PPP1R9A: variants seen among roughly 807,000 people sequenced by gnomAD.
PPP1R9A encodes protein phosphatase 1 regulatory subunit 9A, also known as neurabin-1.
In PPP1R9A, 59 loss-of-function variants were observed where a neutral mutation model predicts 141.9. That is an observed-to-expected ratio of 0.42 (90% CI 0.34 to 0.52). The LOEUF (loss-of-function observed/expected upper bound fraction) is 0.52, where lower values mean the gene tolerates loss of function less well. Ranked by LOEUF, PPP1R9A falls within the 20% of genes least tolerant of loss-of-function variation. The pLI, the probability that PPP1R9A is intolerant of heterozygous loss-of-function variation, is 0.10. For missense variants in PPP1R9A, 1,444 were observed against 1,611.9 expected (o/e 0.90, Z 1.78); for synonymous variants, 500 against 569.7 (o/e 0.88, Z 1.74).
Position 95,291,552 on chromosome 7 carries a change from G to C in PPP1R9A, c.*1249G>C, listed in dbSNP as rs1383048384. 1 of 152,204 alleles carries C rather than the reference G, an allele frequency of 6.6e-6. No individual in the cohort carries two copies. Among genetic ancestry groups the C allele is most frequent in the South Asian group, 2.1e-4 (1 of 4,834 alleles). The allele number at this position is 152,204 out of a possible 1,614,324, so 9.4% of individuals were successfully genotyped here. ...TTAAGCCAGCATTAAGGATTTCCAT[G>C]TTTCACCAAACTAAGTCAAGTGCAG... On this transcript the variant is annotated 3_prime_UTR_variant, in exon 20 of 20. Transcript: ENST00000433360.
intron 2 of PPP1R9A, among the ~76,000 whole-genome samples, chr7:95,006,761 G>GGTGA (rs1247358409): frequency 3.3e-5 from 5 of 152,136 alleles, no homozygotes; most frequent in Non-Finnish European, 7.3e-5. Context: ...GTCTCCTGGA[G>GGTGA]GTGAGACAGG....
chr7:95,102,058 C>A (rs1362827016), intron 2 of PPP1R9A, among the ~76,000 whole-genome samples: 1 of 152,118 alleles, frequency 6.6e-6, no homozygotes, highest in Non-Finnish European at 1.5e-5. Flanking sequence ...AGCTGCCTTG[C>A]TGACCTATAT....
chr7:94,967,284 T>A lies in PPP1R9A; in HGVS notation c.1395+55776T>A, dbSNP rs372263426. Among the ~76,000 whole-genome samples the A allele has an allele frequency of 1.8e-4, 27 of 152,290 alleles. No individual in the cohort carries two copies. In the East Asian group the frequency reaches 5.2e-3, roughly 29 times the overall value. On this transcript the variant is annotated intron_variant, in intron 2 of 19. Coordinates refer to ENST00000433360, the MANE Select transcript of PPP1R9A (RefSeq NM_001166160.2). ...AGCAGCTCCTGGATTCATTGATTTT[T>A]TTTTGAAGGGTTTTTCATGTCTCTG...
At chr7:95,218,504 T>G in intron 7 of PPP1R9A, among the ~76,000 whole-genome samples, 1 of 152,214 alleles carries the variant, frequency 6.6e-6, no homozygotes. Context: ...CAGAGCTGAG[T>G]TCAATTCCTG....
intron 2 of PPP1R9A, among the ~76,000 whole-genome samples, chr7:94,970,749 C>A (rs531115969): frequency 1.3e-5 from 2 of 151,608 alleles, no homozygotes; most frequent in Non-Finnish European, 2.9e-5. Context: ...GATTCTTCTG[C>A]CTCAGTCTCC....
At position 95,284,067 on chromosome 7, in the gene PPP1R9A, G is replaced by A; in HGVS notation, c.3346G>A (p.Ala1116Thr). Residue 1116 changes from alanine to threonine, a missense_variant, in exon 17 of 20, where the codon GCT (alanine) becomes ACT (threonine). Physicochemically the swap from Ala to Thr is moderately conservative, Grantham distance 58 (BLOSUM62 0). This residue lies in a region of PPP1R9A where 459 missense variants were observed against 513.8 expected (regional missense o/e 0.89). Transcript: ENST00000433360. ...CTGGACACCCAAGCCATGTTCAACA[G>A]CTCAGACCTCCACTCGTTCCCCTTG... ...ENWTPKPCST[A>T]QTSTRSPCMP... 1 of 1,598,208 alleles carries A rather than the reference G, an allele frequency of 6.3e-7. No homozygotes were observed.
intron 2 of PPP1R9A, among the ~76,000 whole-genome samples, chr7:95,102,743 C>T (rs931704126): frequency 6.6e-6 from 1 of 152,120 alleles, no homozygotes; most frequent in Admixed American, 6.5e-5. Context: ...TGTTGTAAAT[C>T]TGCGGTCTTA....
intron 2 of PPP1R9A, among the ~76,000 whole-genome samples, chr7:94,927,951 G>A (rs1229728160): frequency 1.3e-5 from 2 of 152,168 alleles, no homozygotes; most frequent in African/African-American, 4.8e-5. Flanking sequence ...GAAAGGGGAT[G>A]TTATGAATAC....
chr7:95,072,715 T>A (rs1285708091), intron 2 of PPP1R9A, among the ~76,000 whole-genome samples: 3 of 113,436 alleles, frequency 2.6e-5, no homozygotes, highest in Non-Finnish European at 5.0e-5. Flanking sequence ...TATAATATAT[T>A]ATATGTATAT....
rs536177913 is a variant in PPP1R9A, at chr7:94,983,831, T to G, written c.1395+72323T>G. Reference sequence around the variant, plus strand: ...ATCGAATACCTTTTATTTCTTTCTCTTGCCTGATTTCCCTGGCCAGAACTT... The same window carrying G: ...ATCGAATACCTTTTATTTCTTTCTCGTGCCTGATTTCCCTGGCCAGAACTT... On this transcript the variant is annotated intron_variant, in intron 2 of 19. Coordinates refer to ENST00000433360, the MANE Select transcript of PPP1R9A (RefSeq NM_001166160.2). 3.3e-4 allele frequency among the ~76,000 whole-genome samples: 51 copies of G among 152,246 alleles called. No individual in the cohort carries two copies. The South Asian group carries it at 6.2e-3, about 19-fold the overall frequency.
At chr7:94,946,311 G>C (rs1009946989) in intron 2 of PPP1R9A, among the ~76,000 whole-genome samples, 1 of 152,124 alleles carries the variant, frequency 6.6e-6, no homozygotes, top group Non-Finnish European at 1.5e-5. Context: ...GAAGAACATA[G>C]TATTAGGACT....
At chr7:94,914,473 C>T (rs1791826432) in intron 2 of PPP1R9A, among the ~76,000 whole-genome samples, 1 of 152,118 alleles carries the variant, frequency 6.6e-6, no homozygotes, top group South Asian at 2.1e-4. Flanking sequence ...TATTGCCAGC[C>T]ATCAGTTAGT....
At chr7:94,913,478 A>G (rs189739951) in intron 2 of PPP1R9A, among the ~76,000 whole-genome samples, 2 of 152,222 alleles carry the variant, frequency 1.3e-5, no homozygotes, top group African/African-American at 4.8e-5. Context: ...TAGATCAAGC[A>G]TAAGACTTGT....
chr7:94,992,416 G>A (rs1801630596), intron 2 of PPP1R9A, among the ~76,000 whole-genome samples: 1 of 152,054 alleles, frequency 6.6e-6, no homozygotes, highest in South Asian at 2.1e-4. Context: ...TCAGTTTTGG[G>A]TATTACAAAT....
chr7:95,074,764 G>A (rs150452961), intron 2 of PPP1R9A, among the ~76,000 whole-genome samples: 320 of 152,094 alleles, frequency 2.1e-3, no homozygotes, highest in Non-Finnish European at 3.6e-3. Context: ...GTGATCCATC[G>A]TGCCCGGCCC....
intron 2 of PPP1R9A, among the ~76,000 whole-genome samples, chr7:94,912,726 C>T (rs1791605778): frequency 6.6e-6 from 1 of 152,128 alleles, no homozygotes; most frequent in Non-Finnish European, 1.5e-5. Flanking sequence ...CAGATGTTAG[C>T]AGGCAGACTT....
At chr7:95,221,255 C>G (rs1794412786) in intron 7 of PPP1R9A, among the ~76,000 whole-genome samples, 1 of 152,078 alleles carries the variant, frequency 6.6e-6, no homozygotes. Flanking sequence ...CTTATGACAG[C>G]TTTCTTATGC....
At chr7:95,068,018 C>T (rs1813201456) in intron 2 of PPP1R9A, among the ~76,000 whole-genome samples, 1 of 152,132 alleles carries the variant, frequency 6.6e-6, no homozygotes, top group Non-Finnish European at 1.5e-5. Context: ...AGCTCGCCTG[C>T]ACCCAGGTGA....
In PPP1R9A at chr7:95,269,233, G is replaced by T. The variant is rs531292896; in HGVS notation, c.2850G>T (p.Met950Ile). ...RKPSNSFYNHMHITKLLPPKG... is the reference protein window; with the variant it reads ...RKPSNSFYNHIHITKLLPPKG... ...CATCAAACAGTTTCTATAACCACAT[G>T]CATATTACCAAATTACTTCCACCTA... The change falls in exon 14 of 20, where the codon ATG becomes ATT. Residue 950 changes from methionine to isoleucine, a missense_variant. By Grantham distance (10) the Met-to-Ile change is conservative. This residue lies in a region of PPP1R9A where 459 missense variants were observed against 513.8 expected (regional missense o/e 0.89). Transcript: ENST00000433360. The T allele has an allele frequency of 2.6e-6, 4 of 1,550,180 alleles. No homozygotes were observed. Among genetic ancestry groups the T allele is most frequent in the African/African-American group, 1.4e-5 (1 of 73,786 alleles).
Sources: gnomAD v4.1 joint callset for allele counts (sites outside exome capture counted in the v4.1 genomes callset) on GRCh38, gnomAD v4.1.1 for gene constraint, gnomAD v4.1.1 regional missense constraint, MANE v1.5 for transcripts, NCBI Gene and HGNC (gene_info 2026-07-23, HGNC 2026-07-21) for gene names.